The following PREP variants were observed in gnomAD, a reference collection of about 807,000 sequenced individuals.
The protein encoded by PREP is dJ355L5.1 (prolyl endopeptidase).
Under a neutral mutation model 87.6 loss-of-function variants are expected in PREP, and 29 were observed. The ratio of observed to expected loss-of-function variants is 0.33; its 90% CI spans 0.25 to 0.45. PREP has a LOEUF of 0.45. PREP is among the 20% of genes least tolerant of loss of function. The pLI is 1.00. For synonymous variants in PREP, 337 were observed against 328.6 expected (o/e 1.03, Z -0.28); for missense variants, 695 against 886.5 (o/e 0.78, Z 2.74).
chr6:105,369,238 T>C (rs1368049235), intron 5 of PREP, among the ~76,000 whole-genome samples: 1 of 152,212 alleles, frequency 6.6e-6, no homozygotes, highest in Non-Finnish European at 1.5e-5. Context: ...AAATGAAATA[T>C]TTAGGTATAA....
intron 2 of PREP, among the ~76,000 whole-genome samples, chr6:105,396,497 T>A (rs1304755461): frequency 2.0e-5 from 3 of 152,162 alleles, no homozygotes; most frequent in Non-Finnish European, 4.4e-5. Context: ...AGCTCTTCAC[T>A]CCATCCCTTT....
chr6:105,329,774 C>T (rs748709375), intron 8 of PREP, among the ~76,000 whole-genome samples: 1 of 152,190 alleles, frequency 6.6e-6, no homozygotes, highest in African/African-American at 2.4e-5. Flanking sequence ...CGATTCTGCT[C>T]GTGAGACAAA....
intron 2 of PREP, among the ~76,000 whole-genome samples, chr6:105,389,638 A>C (rs1188060760): frequency 6.6e-6 from 1 of 152,244 alleles, no homozygotes; most frequent in South Asian, 2.1e-4. Flanking sequence ...ACGTACTGCA[A>C]TTTCCTGGGA....
chr6:105,393,284 T>C (rs188929270), intron 2 of PREP, among the ~76,000 whole-genome samples: 2 of 152,304 alleles, frequency 1.3e-5, no homozygotes, highest in East Asian at 3.9e-4. Context: ...TTTAATCTAG[T>C]ATTTAATTTA....
chr6:105,393,920 T>C lies in PREP; in HGVS notation c.120+3933A>G, dbSNP rs141569180. 5.8e-3 allele frequency among the ~76,000 whole-genome samples: 810 copies of C among 139,062 alleles called. 7 individuals are homozygous for C. Among genetic ancestry groups the C allele is most frequent in the African/African-American group, 0.023 (719 of 30,868 alleles). The allele number at this position is 139,062 out of a possible 152,430, so 91.2% of individuals were successfully genotyped here. A position where few individuals can be genotyped will look rare whatever the true frequency, so the allele number is the denominator to read the frequency against. ...AATCCATATAAAATATTAAGGTATT[T>C]TACTTTTTTTTTTTTCAAACTAAGT... On this transcript the variant is annotated intron_variant, in intron 2 of 14. Coordinates refer to ENST00000652536, the MANE Select transcript of PREP (RefSeq NM_002726.5).
chr6:105,402,447 CAA>C (rs1491236118), intron 1 of PREP, among the ~76,000 whole-genome samples: 78 of 150,186 alleles, frequency 5.2e-4, no homozygotes, highest in Admixed American at 1.6e-3. Flanking sequence ...CACACACACA[CAA>C]ACACACACAC....
At chr6:105,402,294 G>T (rs1773453010) in intron 1 of PREP, among the ~76,000 whole-genome samples, 2 of 152,120 alleles carry the variant, frequency 1.3e-5, no homozygotes, top group South Asian at 4.1e-4. Flanking sequence ...GGCCCAGTGC[G>T]CCTCATCCGA....
Position 105,373,587 on chromosome 6 carries a change from C to A in PREP, c.386-9G>T. ...TTCGCTGAACGCATAACCTATGGGA[C>A]ACAGGAGAAATCATCCAGTGACAAA... On this transcript the variant is annotated splice_polypyrimidine_tract_variant and intron_variant, in intron 4 of 14. Coordinates refer to ENST00000652536, the MANE Select transcript of PREP (RefSeq NM_002726.5). The A allele has an allele frequency of 6.2e-7, 1 of 1,612,280 alleles. No homozygotes were observed. Among genetic ancestry groups the A allele is most frequent in the Non-Finnish European group, 8.5e-7 (1 of 1,178,664 alleles).
intron 10 of PREP, among the ~76,000 whole-genome samples, chr6:105,323,440 G>A (rs116316446): frequency 0.021 from 3,136 of 152,282 alleles, 97 homozygotes; most frequent in African/African-American, 0.073. Flanking sequence ...CCTGTCAAGA[G>A]TAGCAGCCAT....
chr6:105,329,144 G>T, intron 8 of PREP, 118 bp from the exon 9 acceptor site: 5 of 959,468 alleles, frequency 5.2e-6, no homozygotes, highest in Non-Finnish European at 7.7e-6. Flanking sequence ...GACTTGCAAA[G>T]TCACTTTTAC....
chr6:105,369,476 C>A (rs1583088679), intron 5 of PREP, among the ~76,000 whole-genome samples: 1 of 152,190 alleles, frequency 6.6e-6, no homozygotes, highest in Non-Finnish European at 1.5e-5. Context: ...AGTTCACATG[C>A]AAAGGCAAAA....
chr6:105,352,016 C>T (rs759010799), intron 7 of PREP, among the ~76,000 whole-genome samples: 12 of 152,104 alleles, frequency 7.9e-5, no homozygotes, highest in South Asian at 2.1e-4. Flanking sequence ...TTAAAAATGG[C>T]GCGATGCTCA....
chr6:105,400,857 C>T (rs1415480619), intron 1 of PREP, among the ~76,000 whole-genome samples: 6 of 152,164 alleles, frequency 3.9e-5, no homozygotes, highest in South Asian at 2.1e-4. Flanking sequence ...AGAGAGCTAC[C>T]GCAATGCCCA....
intron 7 of PREP, among the ~76,000 whole-genome samples, chr6:105,343,213 C>A (rs984368230): frequency 1.6e-4 from 24 of 151,480 alleles, no homozygotes; most frequent in African/African-American, 5.6e-4. Flanking sequence ...AGCCCTCAGA[C>A]ATAATACCAC....
chr6:105,314,167 T>C (rs1412177922), intron 10 of PREP, among the ~76,000 whole-genome samples: 1 of 152,230 alleles, frequency 6.6e-6, no homozygotes, highest in Non-Finnish European at 1.5e-5. Flanking sequence ...TGCTATAAAA[T>C]GCTAATGATC....
chr6:105,376,980 A>C (rs1031866263), intron 3 of PREP, among the ~76,000 whole-genome samples: 8 of 152,226 alleles, frequency 5.3e-5, no homozygotes, highest in Non-Finnish European at 1.2e-4. Flanking sequence ...GACAGGAACA[A>C]GAGAAGTGAA....
intron 6 of PREP, among the ~76,000 whole-genome samples, chr6:105,365,733 A>T (rs2114699381): frequency 6.6e-6 from 1 of 152,280 alleles, no homozygotes; most frequent in Non-Finnish European, 1.5e-5. Context: ...CAAGTTCTGG[A>T]ACACTGCTTG....
At chr6:105,322,225 A>T in intron 10 of PREP, 1 of 869,436 alleles carries the variant, frequency 1.2e-6, no homozygotes, top group Non-Finnish European at 1.4e-6. Flanking sequence ...GCAATGGCTC[A>T]CCATGAAAAC....
rs778066252 is a variant in PREP at position 105,373,572 on chromosome 6, G to A, written c.392C>T (p.Ala131Val). ...AAAATATTCACCATCTTCGCTGAAC[G>A]CATAACCTATGGGACACAGGAGAAA... ...DDGTVALRGYAFSEDGEYFAY... is the reference protein window; with the variant it reads ...DDGTVALRGYVFSEDGEYFAY... Residue 131 changes from alanine to valine, a missense_variant, in exon 5 of 15, where the codon GCG becomes GTG. Ala to Val is a moderately conservative substitution (Grantham distance 64). Around this residue, in one of 5 missense-constraint regions of PREP, gnomAD observed 517 missense variants for 620.3 expected, o/e 0.83. Coordinates refer to ENST00000652536, the MANE Select transcript of PREP (RefSeq NM_002726.5). The A allele has an allele frequency of 4.3e-6, 7 of 1,613,834 alleles. No homozygotes were observed. The highest frequency in any genetic ancestry group is 4.5e-5 in the East Asian group (2 of 44,880).
Sources: gnomAD v4.1 joint callset for allele counts (sites outside exome capture counted in the v4.1 genomes callset) on GRCh38, gnomAD v4.1.1 for gene constraint, gnomAD v4.1.1 regional missense constraint, MANE v1.5 for transcripts, NCBI Gene and HGNC (gene_info 2026-07-23, HGNC 2026-07-21) for gene names.